Variants in CREB5 observed in about 807,000 individuals in gnomAD.
CREB5 encodes cyclic AMP-responsive element-binding protein 5.
Under a neutral mutation model 57.1 loss-of-function variants are expected in CREB5, and 19 were observed. That is an observed-to-expected ratio of 0.33 (90% CI 0.23 to 0.49). The LOEUF is 0.49. Among genes scored for constraint, CREB5 ranks in the 20% least tolerant of loss-of-function variants. The pLI is 0.99. For missense variants in CREB5, 579 were observed against 671.6 expected, an observed-to-expected ratio of 0.86 and a Z score of 1.52; for synonymous variants, 238 against 238.3, an observed-to-expected ratio of 1.00 and a Z score of 0.01.
At chr7:28,713,181 T>A (rs962384219) in intron 5 of CREB5, among the ~76,000 whole-genome samples, 33 of 152,180 alleles carry the variant, frequency 2.2e-4, no homozygotes, top group Admixed American at 3.9e-4. Context: ...GTCTCCCAAG[T>A]AGCTGGGACT....
At chr7:28,724,076 A>T in intron 6 of CREB5, 146 bp from the exon 7 acceptor site, 1 of 636,998 alleles carries the variant, frequency 1.6e-6, no homozygotes, top group Non-Finnish European at 2.6e-6. Flanking sequence ...TCAGGAGGGC[A>T]TTGCTTACCA....
At chr7:28,596,834 T>G (rs1796705452) in intron 5 of CREB5, among the ~76,000 whole-genome samples, 1 of 152,232 alleles carries the variant, frequency 6.6e-6, no homozygotes. Context: ...TGTTAGCTAT[T>G]ATTATTATTG....
intron 5 of CREB5, among the ~76,000 whole-genome samples, chr7:28,679,104 C>T (rs747350202): frequency 2.3e-4 from 32 of 136,576 alleles, no homozygotes; most frequent in Non-Finnish European, 3.8e-4. Flanking sequence ...AAACAGCCAG[C>T]GGAGTATATT....
intron 1 of CREB5, among the ~76,000 whole-genome samples, chr7:28,352,309 T>A (rs1429470870): frequency 6.6e-6 from 1 of 152,200 alleles, no homozygotes; most frequent in East Asian, 1.9e-4. Context: ...TGGGTGATAA[T>A]GATGATTGAC....
intron 5 of CREB5, among the ~76,000 whole-genome samples, chr7:28,588,277 T>C (rs144899321): frequency 2.1e-4 from 32 of 152,310 alleles, no homozygotes; most frequent in Non-Finnish European, 7.4e-5. Context: ...CAAAACAATA[T>C]AAGGCCTCTG....
At chr7:28,640,555 G>C (rs1300668197) in intron 5 of CREB5, among the ~76,000 whole-genome samples, 1 of 152,088 alleles carries the variant, frequency 6.6e-6, no homozygotes, top group African/African-American at 2.4e-5. Context: ...AAATTACATA[G>C]AAAGTGTTTC....
At chr7:28,740,571 A>C (rs768098054) in intron 7 of CREB5, among the ~76,000 whole-genome samples, 11 of 144,386 alleles carry the variant, frequency 7.6e-5, no homozygotes, top group Non-Finnish European at 1.3e-4. Flanking sequence ...TCGTCTTAGC[A>C]AAAAAAATTA....
chr7:28,576,873 C>T (rs142986346), intron 5 of CREB5, among the ~76,000 whole-genome samples: 17 of 152,346 alleles, frequency 1.1e-4, no homozygotes, highest in African/African-American at 4.1e-4. Flanking sequence ...CATTTCCTCC[C>T]TCCTATTTTT....
At chr7:28,633,790 C>A (rs548557622) in intron 5 of CREB5, among the ~76,000 whole-genome samples, 1 of 152,238 alleles carries the variant, frequency 6.6e-6, no homozygotes, top group African/African-American at 2.4e-5. Context: ...GGTAGTGGTC[C>A]TACATCTGTC....
At chr7:28,409,750 G>T (rs917372630), upstream of CREB5, 5 of 364,622 alleles carry the variant, frequency 1.4e-5, no homozygotes, top group African/African-American at 4.5e-5. This position sits in a 1 kb window ranked among gnomAD's most constrained non-coding sequence, Gnocchi z 4.4. Flanking sequence ...GTGCCGGAGC[G>T]CTCGGTGGCC....
chr7:28,695,785 C>A (rs1299347950), intron 5 of CREB5, among the ~76,000 whole-genome samples: 1 of 152,160 alleles, frequency 6.6e-6, no homozygotes, highest in East Asian at 1.9e-4. Flanking sequence ...CAGGATGTGA[C>A]CTCTGGGCTC....
chr7:28,342,138 C>T (rs1785949733), intron 1 of CREB5, among the ~76,000 whole-genome samples: 1 of 152,190 alleles, frequency 6.6e-6, no homozygotes, highest in Admixed American at 6.5e-5. Flanking sequence ...TCCTGTCCCC[C>T]TCTGCTCTTC....
intron 7 of CREB5, among the ~76,000 whole-genome samples, chr7:28,738,676 T>C (rs143956570): frequency 5.1e-4 from 78 of 152,346 alleles, no homozygotes; most frequent in Non-Finnish European, 9.7e-4. Context: ...GAGTTGTTCC[T>C]GTGTTCCAGT....
chr7:28,533,374 G>A (rs7786514), intron 4 of CREB5, among the ~76,000 whole-genome samples: 15,131 of 152,194 alleles, frequency 0.099, 868 homozygotes, highest in East Asian at 0.2. Context: ...AAGGGATGGC[G>A]AGACCGCATA....
chr7:28,498,082 A>G (rs1792126370), intron 3 of CREB5, among the ~76,000 whole-genome samples: 1 of 152,024 alleles, frequency 6.6e-6, no homozygotes, highest in South Asian at 2.1e-4. Context: ...TTTTTTCTTA[A>G]AAGATTGCTA....
intron 5 of CREB5, among the ~76,000 whole-genome samples, chr7:28,700,519 C>T (rs113802632): frequency 6.6e-6 from 1 of 152,032 alleles, no homozygotes; most frequent in South Asian, 2.1e-4. Flanking sequence ...ACAACAACAA[C>T]AAAAAAACTT....
intron 1 of CREB5, among the ~76,000 whole-genome samples, chr7:28,480,947 C>T (rs1165509831): frequency 6.6e-6 from 1 of 152,088 alleles, no homozygotes; most frequent in African/African-American, 2.4e-5. Flanking sequence ...ACAAAGACCT[C>T]CTATCTAAAG....
At chr7:28,696,800 G>A (rs540230331) in intron 5 of CREB5, among the ~76,000 whole-genome samples, 11 of 147,472 alleles carry the variant, frequency 7.5e-5, no homozygotes, top group South Asian at 6.3e-4. Context: ...ATACGTATAC[G>A]TATATATACA....
intron 1 of CREB5, among the ~76,000 whole-genome samples, chr7:28,400,579 G>C (rs867920610): frequency 1.3e-5 from 2 of 152,168 alleles, no homozygotes; most frequent in East Asian, 1.9e-4. Flanking sequence ...AACCAGGAAG[G>C]GGGAGGAGAG....
Sources: gnomAD v4.1 joint callset for allele counts (sites outside exome capture counted in the v4.1 genomes callset) on GRCh38, gnomAD v4.1.1 for gene constraint, Gnocchi (gnomAD v3.1) non-coding constraint, MANE v1.5 for transcripts, NCBI Gene and HGNC (gene_info 2026-07-23, HGNC 2026-07-21) for gene names.